GDPD4: variants seen among roughly 807,000 people sequenced by gnomAD.
GDPD4 encodes glycerophosphodiester phosphodiesterase 6.
A neutral mutation model predicts 67.8 loss-of-function variants in GDPD4; 60 were observed. The ratio of observed to expected loss-of-function variants is 0.88; its 90% CI spans 0.72 to 1.10. The LOEUF (loss-of-function observed/expected upper bound fraction) is 1.10. Ranked by LOEUF, GDPD4 falls within the 50% of genes least tolerant of loss-of-function variation. GDPD4 has a pLI of 0.00. For synonymous variants in GDPD4, 212 were observed against 210.9 expected, an observed-to-expected ratio of 1.00 and a Z score of -0.04; for missense variants, 623 against 613.9, an observed-to-expected ratio of 1.01 and a Z score of -0.16.
At chr11:77,233,298 CA>C in intron 13 of GDPD4, 126 bp from the exon 14 acceptor site, 1 of 806,924 alleles carries the variant, frequency 1.2e-6, no homozygotes, top group East Asian at 2.5e-5. Context: ...GATCCAGGGA[CA>C]ATTCATGATA....
intron 16 of GDPD4, among the ~76,000 whole-genome samples, chr11:77,221,926 T>C (rs1445907817): frequency 2.0e-5 from 3 of 152,154 alleles, no homozygotes; most frequent in African/African-American, 7.2e-5. Flanking sequence ...CTGTATTGGG[T>C]GCATATATAT....
rs548426468 is a variant in GDPD4, at chr11:77,229,172, C to T, written c.1450G>A (p.Val484Ile). ...TACCAGTGAAAACAAAATATGGCAA[C>T]AATAAAAAGCACAGAAATGATATCT... ...LADIISVLFI[V>I]AIFCFHWRRE... is the part of the protein sequence containing the mutation. Residue 484 changes from valine (V) to isoleucine (I), a missense_variant, in exon 15 of 17, where the codon GTT (valine) becomes ATT (isoleucine). Val to Ile is a conservative substitution (Grantham distance 29). Coordinates refer to ENST00000315938, the MANE Select transcript of GDPD4 (RefSeq NM_182833.3). 8.7e-6 allele frequency: 14 copies of T among 1,600,976 alleles called. No individual in the cohort carries two copies. In the Middle Eastern group the frequency reaches 6.9e-4, roughly 79 times the overall value.
intron 1 of GDPD4, among the ~76,000 whole-genome samples, chr11:77,298,037 A>C (rs1197298290): frequency 1.3e-5 from 2 of 152,142 alleles, no homozygotes; most frequent in African/African-American, 2.4e-5. Flanking sequence ...TTGGAAGTTC[A>C]GGAGGGAGCT....
chr11:77,288,928 A>T (rs994244372), intron 1 of GDPD4, among the ~76,000 whole-genome samples: 2 of 152,126 alleles, frequency 1.3e-5, no homozygotes, highest in Admixed American at 1.3e-4. Context: ...ACAATTCAAA[A>T]TCCGAATGAG....
chr11:77,281,689 C>T (rs1000534388), intron 3 of GDPD4, among the ~76,000 whole-genome samples: 6 of 152,080 alleles, frequency 3.9e-5, no homozygotes, highest in Non-Finnish European at 7.4e-5. Flanking sequence ...AAGGTAATCT[C>T]GTAAACACAA....
intron 10 of GDPD4, among the ~76,000 whole-genome samples, chr11:77,260,248 G>A (rs184652546): frequency 6.8e-6 from 1 of 147,624 alleles, no homozygotes; most frequent in Non-Finnish European, 1.5e-5. Flanking sequence ...GGAGGTTGCA[G>A]TTAGACAAAA....
chr11:77,282,220 T>C (rs1959786968), intron 3 of GDPD4, among the ~76,000 whole-genome samples: 1 of 152,136 alleles, frequency 6.6e-6, no homozygotes. Context: ...CAAGATTACA[T>C]GTTGTAATTT....
At chr11:77,240,607 G>A (rs1438909011) in intron 13 of GDPD4, among the ~76,000 whole-genome samples, 1 of 151,992 alleles carries the variant, frequency 6.6e-6, no homozygotes, top group Non-Finnish European at 1.5e-5. Context: ...CAAAAGCACA[G>A]GTAACAAAAG....
chr11:77,289,444 G>A (rs1458754368), intron 1 of GDPD4, among the ~76,000 whole-genome samples: 1 of 151,148 alleles, frequency 6.6e-6, no homozygotes, highest in East Asian at 2.0e-4. Flanking sequence ...CAGGCCGGCT[G>A]GCCATAGTGG....
At chr11:77,286,410 G>C (rs542158648) in intron 2 of GDPD4, among the ~76,000 whole-genome samples, 6 of 152,260 alleles carry the variant, frequency 3.9e-5, no homozygotes, top group African/African-American at 1.4e-4. Flanking sequence ...ATTATCCCCA[G>C]TGACTAGCAT....
At chr11:77,235,026 T>G (rs1336368535) in intron 13 of GDPD4, among the ~76,000 whole-genome samples, 16 of 138,622 alleles carry the variant, frequency 1.2e-4, no homozygotes, top group Middle Eastern at 3.6e-3. Flanking sequence ...TTTTTTTTTT[T>G]TTTTTTTTTT....
intron 3 of GDPD4, among the ~76,000 whole-genome samples, chr11:77,279,910 C>T (rs575700233): frequency 3.9e-4 from 60 of 152,206 alleles, no homozygotes; most frequent in Middle Eastern, 6.8e-3. Context: ...CAATGTTATA[C>T]TTGATCTAGG....
At chr11:77,220,223 G>T (rs1441426304) in intron 16 of GDPD4, among the ~76,000 whole-genome samples, 1 of 152,130 alleles carries the variant, frequency 6.6e-6, no homozygotes, top group African/African-American at 2.4e-5. Flanking sequence ...TGATTGCCCT[G>T]GCCAGAACTT....
chr11:77,217,299 C>A lies in GDPD4; in HGVS notation c.1541G>T (p.Ser514Ile). 1 of 1,607,466 alleles carries A rather than the reference C, an allele frequency of 6.2e-7. No individual in the cohort carries two copies. The highest frequency in any genetic ancestry group is 1.3e-5 in the African/African-American group (1 of 74,902). ...SSTRTDTQSG[S>I]KNEEDR ...TATCTATCTATCTTCCTCATTCTTA[C>A]TTCCACTCTGAGTATCTGTGGGATG... The change falls in exon 17 of 17, where the codon AGT becomes ATT. Residue 514 changes from serine to isoleucine, a missense_variant. Coordinates refer to ENST00000315938, the MANE Select transcript of GDPD4 (RefSeq NM_182833.3).
chr11:77,239,249 T>C (rs1170189923), intron 13 of GDPD4, among the ~76,000 whole-genome samples: 3 of 152,146 alleles, frequency 2.0e-5, no homozygotes, highest in Non-Finnish European at 4.4e-5. Flanking sequence ...TACTCAATGG[T>C]GAACAGTCGA....
chr11:77,282,478 A>AC (rs55869283), intron 3 of GDPD4, among the ~76,000 whole-genome samples: 152,138 of 152,140 alleles, frequency 1, 76,068 homozygotes, highest in Middle Eastern at 1. Flanking sequence ...ACATGGCGAA[A>AC]CCTGTCTCCA....
At chr11:77,299,139 GAC>G (rs1028834765) in intron 1 of GDPD4, among the ~76,000 whole-genome samples, 2 of 152,222 alleles carry the variant, frequency 1.3e-5, no homozygotes, top group Middle Eastern at 6.8e-3. Flanking sequence ...CTCTTTATGA[GAC>G]AGGGGCCGGA....
At chr11:77,273,387 G>T (rs562868156) in intron 5 of GDPD4, among the ~76,000 whole-genome samples, 1 of 152,264 alleles carries the variant, frequency 6.6e-6, no homozygotes, top group African/African-American at 2.4e-5. Flanking sequence ...AACCAAGGTA[G>T]TTAACTTCCA....
At chr11:77,220,039 G>C (rs527527865) in intron 16 of GDPD4, among the ~76,000 whole-genome samples, 1 of 152,252 alleles carries the variant, frequency 6.6e-6, no homozygotes, top group South Asian at 2.1e-4. Context: ...ATTTTGGGCT[G>C]AGACTATGGG....
Sources: allele counts gnomAD v4.1 joint callset (sites outside exome capture counted in the v4.1 genomes callset), GRCh38; gene constraint gnomAD v4.1.1; transcripts MANE v1.5; gene names NCBI Gene and HGNC (gene_info 2026-07-23, HGNC 2026-07-21).